ZNF804B: variants seen among roughly 807,000 people sequenced by gnomAD.
The protein encoded by ZNF804B is zinc finger protein 804B.
Under a neutral mutation model 101.4 loss-of-function variants are expected in ZNF804B, and 80 were observed. That is an observed-to-expected ratio of 0.79 (90% CI 0.66 to 0.95). ZNF804B has a LOEUF of 0.95. Among genes scored for constraint, ZNF804B ranks in the 40% least tolerant of loss-of-function variants. The pLI is 0.00. For missense variants in ZNF804B, 1,673 were observed against 1,561.9 expected (o/e 1.07, Z -1.20); for synonymous variants, 622 against 558.8 (o/e 1.11, Z -1.59).
chr7:88,935,883 T>G (rs1461446583), intron 1 of ZNF804B, among the ~76,000 whole-genome samples: 4 of 151,810 alleles, frequency 2.6e-5, no homozygotes, highest in African/African-American at 9.7e-5. Context: ...CTTTTCTTGT[T>G]TCCTTTTCTT....
chr7:89,220,024 T>TATATACGCACATATATGTGTGTATAC, intron 2 of ZNF804B, among the ~76,000 whole-genome samples: 1 of 113,512 alleles, frequency 8.8e-6, no homozygotes, highest in Admixed American at 1.1e-4. Flanking sequence ...TGTGTATACA[T>TATATACGCACATATATGTGTGTATAC]ATATATACGC....
rs144751438 is a variant in ZNF804B at position 88,812,390 on chromosome 7, T to C, written c.108+52306T>C. On this transcript the variant is annotated intron_variant, in intron 1 of 3. Transcript: ENST00000333190. ...AACTGTTGACAAGAATGTGGAAACA[T>C]TGGAATGCTTGTACACTGTTGATGG... Among the ~76,000 whole-genome samples, 297 of 152,252 alleles carry C rather than the reference T, an allele frequency of 2.0e-3. 2 individuals are homozygous for C. Among genetic ancestry groups the C allele is most frequent in the African/African-American group, 6.7e-3 (280 of 41,554 alleles).
chr7:89,003,166 A>G (rs561804421), intron 1 of ZNF804B, among the ~76,000 whole-genome samples: 3 of 151,968 alleles, frequency 2.0e-5, no homozygotes, highest in South Asian at 2.1e-4. Flanking sequence ...TTCTGAGACT[A>G]TAATAGTACA....
At chr7:88,922,846 A>G (rs1792741635) in intron 1 of ZNF804B, among the ~76,000 whole-genome samples, 1 of 152,026 alleles carries the variant, frequency 6.6e-6, no homozygotes, top group African/African-American at 2.4e-5. Context: ...TAATGATTTC[A>G]ATATATAGCC....
intron 1 of ZNF804B, among the ~76,000 whole-genome samples, chr7:89,134,170 A>T (rs1790595601): frequency 6.6e-6 from 1 of 152,136 alleles, no homozygotes; most frequent in Non-Finnish European, 1.5e-5. Flanking sequence ...TGTTTTGGCA[A>T]CATTTTGTAG....
intron 1 of ZNF804B, among the ~76,000 whole-genome samples, chr7:89,040,197 T>C (rs1156901075): frequency 1.3e-5 from 2 of 152,056 alleles, no homozygotes; most frequent in African/African-American, 4.8e-5. Flanking sequence ...TTTCATCTCA[T>C]AAATCTCTTA....
intron 2 of ZNF804B, among the ~76,000 whole-genome samples, chr7:89,287,298 A>G (rs1790216690): frequency 6.6e-6 from 1 of 152,108 alleles, no homozygotes; most frequent in Admixed American, 6.6e-5. Context: ...ATGGCCAACT[A>G]TATATATACA....
intron 1 of ZNF804B, among the ~76,000 whole-genome samples, chr7:88,963,316 G>A (rs1793413751): frequency 6.6e-6 from 1 of 151,356 alleles, no homozygotes; most frequent in Admixed American, 6.6e-5. Context: ...CACAAAGCCA[G>A]ATATATACAC....
intron 1 of ZNF804B, among the ~76,000 whole-genome samples, chr7:88,854,285 C>G (rs181162447): frequency 2.4e-4 from 36 of 152,176 alleles, no homozygotes; most frequent in Non-Finnish European, 4.4e-4. Flanking sequence ...CATCGTTTGG[C>G]TAATTTCACA....
At chr7:89,283,195 T>A (rs1790126636) in intron 2 of ZNF804B, among the ~76,000 whole-genome samples, 1 of 152,042 alleles carries the variant, frequency 6.6e-6, no homozygotes, top group Non-Finnish European at 1.5e-5. Context: ...GTCATAAAAA[T>A]TATTTTATAA....
At chr7:89,316,529 C>T (rs1584121253) in intron 2 of ZNF804B, among the ~76,000 whole-genome samples, 1 of 152,062 alleles carries the variant, frequency 6.6e-6, no homozygotes, top group East Asian at 1.9e-4. Flanking sequence ...GCCACAAACG[C>T]AGAAAAAGGA....
In ZNF804B at chr7:89,220,024, T is replaced by TATACGCACATATATGTGCGTATATAC. The variant is rs1562920250; in HGVS notation, c.249+1732_249+1733insCGCACATATATGTGCGTATATACATA. On this transcript the variant is annotated intron_variant, in intron 2 of 3. Coordinates refer to ENST00000333190, the MANE Select transcript of ZNF804B (RefSeq NM_181646.5). ...ATATGCACATATATGTGTGTATACATATATATACGCACATATATGTGCATA... is the reference window on the plus strand; with the variant it reads ...ATATGCACATATATGTGTGTATACATATACGCACATATATGTGCGTATATACATATATACGCACATATATGTGCATA... Among the ~76,000 whole-genome samples the TATACGCACATATATGTGCGTATATAC allele has an allele frequency of 9.7e-5, 11 of 113,512 alleles. 1 individual carries two copies. The highest frequency in any genetic ancestry group is 2.5e-4 in the South Asian group (1 of 4,016). The allele number at this position is 113,512 out of a possible 152,430, so 74.5% of individuals were successfully genotyped here.
At chr7:89,007,676 T>C (rs1788391190) in intron 1 of ZNF804B, among the ~76,000 whole-genome samples, 1 of 148,032 alleles carries the variant, frequency 6.8e-6, no homozygotes, top group Non-Finnish European at 1.5e-5. Context: ...AGCAGCTGTA[T>C]AGAAGCAAAT....
rs140649111 is a variant in ZNF804B at position 89,245,408 on chromosome 7, C to T, written c.249+27113C>T. Among the ~76,000 whole-genome samples the T allele has an allele frequency of 5.2e-3, 792 of 152,200 alleles. 7 individuals are homozygous for T. Among genetic ancestry groups the T allele is most frequent in the African/African-American group, 0.019 (769 of 41,554 alleles). ...TGAAAAAGGAATAATAGACATACTGCTCTTAACTAGCTAAGGGAAAATAAT... is the reference window on the plus strand; with the variant it reads ...TGAAAAAGGAATAATAGACATACTGTTCTTAACTAGCTAAGGGAAAATAAT... On this transcript the variant is annotated intron_variant, in intron 2 of 3. Coordinates refer to ENST00000333190, the MANE Select transcript of ZNF804B (RefSeq NM_181646.5).
At chr7:89,206,549 C>T (rs548491446) in intron 1 of ZNF804B, among the ~76,000 whole-genome samples, 3 of 152,118 alleles carry the variant, frequency 2.0e-5, no homozygotes, top group South Asian at 4.2e-4. Flanking sequence ...GTCAGGAGTT[C>T]GAGACCAGCC....
chr7:89,328,647 C>A (rs1790931458), intron 3 of ZNF804B, among the ~76,000 whole-genome samples: 1 of 151,794 alleles, frequency 6.6e-6, no homozygotes, highest in African/African-American at 2.4e-5. Flanking sequence ...AGGAAAAGTT[C>A]TATTGTTGTT....
chr7:89,133,808 G>C (rs542436994), intron 1 of ZNF804B, among the ~76,000 whole-genome samples: 1 of 152,138 alleles, frequency 6.6e-6, no homozygotes, highest in African/African-American at 2.4e-5. Context: ...ATATAGAAAA[G>C]ATAAATCATA....
chr7:89,006,048 T>C, intron 1 of ZNF804B, among the ~76,000 whole-genome samples: 1 of 152,296 alleles, frequency 6.6e-6, no homozygotes, highest in South Asian at 2.1e-4. Flanking sequence ...TGTAATTAGA[T>C]TTTTGAAAAC....
intron 1 of ZNF804B, among the ~76,000 whole-genome samples, chr7:88,935,353 T>C (rs1051391709): frequency 2.8e-5 from 4 of 142,962 alleles, no homozygotes; most frequent in African/African-American, 1.1e-4. Flanking sequence ...CAAAAAACTA[T>C]TGAAGTAAAA....
Sources: gnomAD v4.1 joint callset for allele counts (sites outside exome capture counted in the v4.1 genomes callset) on GRCh38, gnomAD v4.1.1 for gene constraint, MANE v1.5 for transcripts, NCBI Gene and HGNC (gene_info 2026-07-23, HGNC 2026-07-21) for gene names.